The following NTM variants were observed in gnomAD, a reference collection of about 807,000 sequenced individuals.
NTM encodes IgLON family member 2.
Under a neutral mutation model 42.1 loss-of-function variants are expected in NTM, and 13 were observed. That is an observed-to-expected ratio of 0.31 (90% CI 0.20 to 0.49). NTM has a LOEUF of 0.49. NTM is among the 20% of genes least tolerant of loss of function. The pLI is 0.99. For synonymous variants in NTM, 187 were observed against 179.2 expected, an observed-to-expected ratio of 1.04 and a Z score of -0.35; for missense variants, 373 against 452.8, an observed-to-expected ratio of 0.82 and a Z score of 1.60.
At chr11:131,958,582 C>T (rs1372017124) in intron 2 of NTM, among the ~76,000 whole-genome samples, 1 of 152,174 alleles carries the variant, frequency 6.6e-6, no homozygotes, top group Non-Finnish European at 1.5e-5. Flanking sequence ...CGTCCTTCCT[C>T]CACCCCAATT....
chr11:132,008,855 T>C (rs1429456106), intron 2 of NTM, among the ~76,000 whole-genome samples: 1 of 151,700 alleles, frequency 6.6e-6, no homozygotes, highest in Admixed American at 6.6e-5. Flanking sequence ...TTTTCTTTCT[T>C]TCCTTGTTTT....
At chr11:131,765,803 C>T (rs919385768) in intron 1 of NTM, among the ~76,000 whole-genome samples, 4 of 152,150 alleles carry the variant, frequency 2.6e-5, no homozygotes, top group African/African-American at 9.7e-5. Flanking sequence ...CTAAGTAGAG[C>T]GTTTACTTGG....
chr11:131,881,726 A>C (rs1375589359), intron 1 of NTM, among the ~76,000 whole-genome samples: 1 of 152,216 alleles, frequency 6.6e-6, no homozygotes, highest in Non-Finnish European at 1.5e-5. Flanking sequence ...TTTTCAGCCT[A>C]CAATTTGTTT....
intron 4 of NTM, chr11:132,285,197 C>G (rs1364412486): frequency 6.6e-6 from 1 of 152,560 alleles, no homozygotes; most frequent in Non-Finnish European, 1.5e-5. Flanking sequence ...CCATCTGCCC[C>G]TCAGAGGCCT....
intron 4 of NTM, among the ~76,000 whole-genome samples, chr11:132,305,742 G>T (rs2095053728): frequency 6.6e-6 from 1 of 152,142 alleles, no homozygotes; most frequent in African/African-American, 2.4e-5. Flanking sequence ...TCAAATCAAG[G>T]TTAGTACCTT....
intron 1 of NTM, among the ~76,000 whole-genome samples, chr11:131,554,399 A>C (rs2055111200): frequency 6.6e-6 from 1 of 152,206 alleles, no homozygotes; most frequent in South Asian, 2.1e-4. Context: ...GCTGATCAAA[A>C]ATACAGTATT....
chr11:131,991,491 A>G (rs1344547425), intron 2 of NTM, among the ~76,000 whole-genome samples: 1 of 152,218 alleles, frequency 6.6e-6, no homozygotes, highest in East Asian at 1.9e-4. Context: ...CACTGTGCCA[A>G]ATAATAGAGA....
chr11:131,910,927 C>A, intron 1 of NTM: 15 of 988,586 alleles, frequency 1.5e-5, no homozygotes, highest in Non-Finnish European at 1.8e-5. Context: ...CGCGCGCCAC[C>A]CCTGCGCCTC....
At chr11:131,975,695 T>TAA (rs2064230013) in intron 2 of NTM, among the ~76,000 whole-genome samples, 1 of 152,122 alleles carries the variant, frequency 6.6e-6, no homozygotes, top group South Asian at 2.1e-4. Context: ...GTAAATGTCT[T>TAA]TTCTCCACGG....
chr11:132,022,430 C>A (rs1363012691), intron 2 of NTM, among the ~76,000 whole-genome samples: 1 of 152,152 alleles, frequency 6.6e-6, no homozygotes, highest in Non-Finnish European at 1.5e-5. Context: ...GGTGATGTTT[C>A]TTCAGAGTCC....
chr11:132,248,963 GT>G (rs1251693977), intron 4 of NTM, among the ~76,000 whole-genome samples: 1 of 152,216 alleles, frequency 6.6e-6, no homozygotes, highest in Non-Finnish European at 1.5e-5. Context: ...GGACACTGGT[GT>G]TTCCCATACC....
At chr11:132,241,651 G>A (rs1357480012) in intron 4 of NTM, among the ~76,000 whole-genome samples, 1 of 152,228 alleles carries the variant, frequency 6.6e-6, no homozygotes, top group East Asian at 1.9e-4. Context: ...GTAAAATGAA[G>A]CTGATAATGA....
At chr11:131,778,814 A>C (rs1012615237) in intron 1 of NTM, among the ~76,000 whole-genome samples, 1 of 152,218 alleles carries the variant, frequency 6.6e-6, no homozygotes, top group Non-Finnish European at 1.5e-5. Flanking sequence ...CTTCACCCTC[A>C]AATGTACACA....
At chr11:131,816,415 T>C (rs1334387739) in intron 1 of NTM, among the ~76,000 whole-genome samples, 2 of 152,162 alleles carry the variant, frequency 1.3e-5, no homozygotes, top group East Asian at 1.9e-4. Context: ...GGAAATGATA[T>C]TTTTACTAAA....
At chr11:131,899,580 T>C (rs1428852920) in intron 1 of NTM, among the ~76,000 whole-genome samples, 1 of 152,196 alleles carries the variant, frequency 6.6e-6, no homozygotes, top group East Asian at 1.9e-4. Flanking sequence ...CTTTGGACAG[T>C]GGCAATTTTA....
chr11:131,969,345 C>A (rs1002873977), intron 2 of NTM, among the ~76,000 whole-genome samples: 1 of 152,240 alleles, frequency 6.6e-6, no homozygotes, highest in Admixed American at 6.5e-5. Context: ...CCTAAAACCT[C>A]TGATGGTGTT....
intron 1 of NTM, among the ~76,000 whole-genome samples, chr11:131,787,850 A>T (rs1214604239): frequency 2.0e-5 from 3 of 152,196 alleles, no homozygotes; most frequent in East Asian, 3.8e-4. Flanking sequence ...CAGCGTTTCT[A>T]CTTTCTAGAT....
chr11:131,986,082 T>A lies in NTM; in HGVS notation c.167+74434T>A, dbSNP rs1048180627. Reference sequence around the variant, plus strand: ...CTGTTTTGGATTGAACTATGCTGGATCTCTTTGGATCTGATTTTTCTTTGA... The same window carrying A: ...CTGTTTTGGATTGAACTATGCTGGAACTCTTTGGATCTGATTTTTCTTTGA... On this transcript the variant is annotated intron_variant, in intron 2 of 8. Transcript: ENST00000683400. Among the ~76,000 whole-genome samples the A allele has an allele frequency of 2.0e-5, 3 of 152,328 alleles. No homozygotes were observed. The East Asian group carries it at 5.8e-4, about 29-fold the overall frequency.
intron 3 of NTM, among the ~76,000 whole-genome samples, chr11:132,202,080 T>A (rs1182663042): frequency 6.6e-6 from 1 of 152,246 alleles, no homozygotes; most frequent in Non-Finnish European, 1.5e-5. Flanking sequence ...TCCTTTCTCA[T>A]TGTGACGTTA....
Sources: gnomAD v4.1 joint callset for allele counts (sites outside exome capture counted in the v4.1 genomes callset) on GRCh38, gnomAD v4.1.1 for gene constraint, MANE v1.5 for transcripts, NCBI Gene and HGNC (gene_info 2026-07-23, HGNC 2026-07-21) for gene names.